TMEM131L: variants seen among roughly 807,000 people sequenced by gnomAD.
The protein encoded by TMEM131L is transmembrane protein 131-like.
TMEM131L carries 54 observed loss-of-function variants against 192.2 expected under a neutral mutation model. The ratio of observed to expected loss-of-function variants is 0.28; its 90% CI spans 0.23 to 0.35. The LOEUF is 0.35. Ranked by LOEUF, TMEM131L falls within the 10% of genes least tolerant of loss-of-function variation. The probability of loss-of-function intolerance (pLI) is 1.00; values close to 1 mark genes in which losing one functional copy is unlikely to be tolerated. For synonymous variants in TMEM131L, 701 were observed against 704.9 expected, an observed-to-expected ratio of 0.99 and a Z score of 0.09; for missense variants, 1,888 against 1,972.9, an observed-to-expected ratio of 0.96 and a Z score of 0.82.
chr4:153,603,772 T>C, intron 24 of TMEM131L, 30 bp from the exon 25 acceptor site: 1 of 1,548,992 alleles, frequency 6.5e-7, no homozygotes, highest in Non-Finnish European at 8.7e-7. Context: ...GATTTGCCTC[T>C]ATGCTAAATG....
At chr4:153,551,565 A>G (rs1395974638) in intron 4 of TMEM131L, among the ~76,000 whole-genome samples, 1 of 152,056 alleles carries the variant, frequency 6.6e-6, no homozygotes, top group Non-Finnish European at 1.5e-5. Flanking sequence ...CATGTTGGCC[A>G]GGCTAGTCTC....
chr4:153,531,911 C>T (rs909666525), intron 3 of TMEM131L, among the ~76,000 whole-genome samples: 1 of 152,212 alleles, frequency 6.6e-6, no homozygotes, highest in African/African-American at 2.4e-5. Context: ...ACCTCCCCAC[C>T]AAACCCCAGT....
intron 25 of TMEM131L, among the ~76,000 whole-genome samples, chr4:153,607,005 A>C (rs1427645227): frequency 6.6e-6 from 1 of 152,230 alleles, no homozygotes; most frequent in African/African-American, 2.4e-5. Flanking sequence ...AATATCCGAG[A>C]TGTTAAAAAG....
At position 153,636,583 on chromosome 4, in the gene TMEM131L, T is replaced by C. The variant is rs759029927; in HGVS notation, c.*7T>C. 1.9e-6 allele frequency: 3 copies of C among 1,607,498 alleles called. No individual in the cohort carries two copies. The highest frequency in any genetic ancestry group is 2.6e-6 in the Non-Finnish European group (3 of 1,174,808). On this transcript the variant is annotated 3_prime_UTR_variant, in exon 35 of 35. Transcript: ENST00000409959. ...TTACTGTGGGAATGTGTGAAAATAA[T>C]TGGATTTTTAAACAATGTGAATAAA...
intron 3 of TMEM131L, among the ~76,000 whole-genome samples, chr4:153,487,990 T>G (rs1289852389): frequency 4.3e-4 from 3 of 6,970 alleles, no homozygotes; most frequent in East Asian, 0.012. Context: ...TGTGTGTGTT[T>G]GTGTATGTAT....
At chr4:153,596,877 G>A (rs7696772) in intron 20 of TMEM131L, among the ~76,000 whole-genome samples, 41,549 of 152,044 alleles carry the variant, frequency 0.27, 6,044 homozygotes, top group Non-Finnish European at 0.34. Flanking sequence ...TTCCTTTGAA[G>A]TGAGTTACTG....
chr4:153,607,830 A>C (rs1463563341), intron 25 of TMEM131L, among the ~76,000 whole-genome samples: 1 of 152,232 alleles, frequency 6.6e-6, no homozygotes, highest in Non-Finnish European at 1.5e-5. Flanking sequence ...TTTGTAAGTA[A>C]TAGAAAATGT....
chr4:153,589,050 C>A, intron 16 of TMEM131L, 43 bp downstream of exon 16: 1 of 1,058,520 alleles, frequency 9.4e-7, no homozygotes, highest in Non-Finnish European at 1.5e-6. Flanking sequence ...GGTGGGGAGA[C>A]ACTGTTACAG....
chr4:153,506,009 T>G (rs190450957), intron 3 of TMEM131L, among the ~76,000 whole-genome samples: 86 of 152,276 alleles, frequency 5.6e-4, no homozygotes, highest in African/African-American at 1.9e-3. Context: ...CTTTTTCATG[T>G]AGTAAAAAAG....
At chr4:153,551,567 G>T (rs10028290) in intron 4 of TMEM131L, among the ~76,000 whole-genome samples, 65,849 of 151,854 alleles carry the variant, frequency 0.43, 18,057 homozygotes, top group African/African-American at 0.78. Flanking sequence ...TGTTGGCCAG[G>T]CTAGTCTCAA....
chr4:153,633,948 T>C (rs942150075), intron 32 of TMEM131L, among the ~76,000 whole-genome samples: 5 of 152,240 alleles, frequency 3.3e-5, no homozygotes, highest in African/African-American at 1.2e-4. Flanking sequence ...CTAGTTAGAC[T>C]TAACAAGCAT....
At chr4:153,512,599 T>A (rs1384182549) in intron 3 of TMEM131L, among the ~76,000 whole-genome samples, 1 of 152,178 alleles carries the variant, frequency 6.6e-6, no homozygotes, top group Non-Finnish European at 1.5e-5. Context: ...ATTCCTGACA[T>A]CTAGATGTCT....
At chr4:153,544,516 T>TCA (rs758851330) in intron 3 of TMEM131L, among the ~76,000 whole-genome samples, 3 of 152,114 alleles carry the variant, frequency 2.0e-5, no homozygotes, top group Non-Finnish European at 4.4e-5. Flanking sequence ...CCCTTACCCC[T>TCA]CACACTGGCT....
At chr4:153,518,016 T>C (rs1294721118) in intron 3 of TMEM131L, among the ~76,000 whole-genome samples, 2 of 151,892 alleles carry the variant, frequency 1.3e-5, no homozygotes. Flanking sequence ...GATGAGTGTG[T>C]GTTTTATAAT....
At chr4:153,508,744 A>G (rs1036522568) in intron 3 of TMEM131L, among the ~76,000 whole-genome samples, 1 of 150,938 alleles carries the variant, frequency 6.6e-6, no homozygotes, top group Admixed American at 6.6e-5. Flanking sequence ...TCCTGGGATC[A>G]AGCGATCCTC....
intron 7 of TMEM131L, among the ~76,000 whole-genome samples, chr4:153,580,459 A>G (rs1003588601): frequency 6.6e-6 from 1 of 152,224 alleles, no homozygotes; most frequent in East Asian, 1.9e-4. Context: ...TAAAATAACA[A>G]TAGATTCCTG....
chr4:153,576,498 A>G (rs953925725), intron 7 of TMEM131L, among the ~76,000 whole-genome samples: 3 of 152,218 alleles, frequency 2.0e-5, no homozygotes, highest in African/African-American at 7.2e-5. Context: ...AAGAATGACA[A>G]AATATTAGGC....
chr4:153,580,029 T>G (rs557697160), intron 7 of TMEM131L, among the ~76,000 whole-genome samples: 45 of 152,314 alleles, frequency 3.0e-4, no homozygotes, highest in African/African-American at 1.1e-3. Context: ...TACCTTTTTC[T>G]AATCACTATG....
At position 153,584,841 on chromosome 4, in the gene TMEM131L, C is replaced by T. The variant is rs1730593604; in HGVS notation, c.1067C>T (p.Thr356Ile). The T allele has an allele frequency of 8.1e-6, 13 of 1,612,620 alleles. No homozygotes were observed. The highest frequency in any genetic ancestry group is 1.0e-5 in the Non-Finnish European group (12 of 1,178,644). The part of the protein sequence containing the change: ...KIASFTCKAA[T>I]SCDSGIIEDV... ...ATTTCTTTATACCACAAAGCAGCTACATCATGTGACAGTGGAATTATAGAA... is the reference window on the plus strand; with the variant it reads ...ATTTCTTTATACCACAAAGCAGCTATATCATGTGACAGTGGAATTATAGAA... Residue 356 changes from threonine to isoleucine, a missense_variant, in exon 12 of 35, where the codon ACA becomes ATA. Physicochemically the swap from Thr to Ile is moderately conservative, Grantham distance 89. Coordinates refer to ENST00000409959, the MANE Select transcript of TMEM131L (RefSeq NM_001131007.2).
Sources: gnomAD v4.1 joint callset for allele counts (sites outside exome capture counted in the v4.1 genomes callset) on GRCh38, gnomAD v4.1.1 for gene constraint, MANE v1.5 for transcripts, NCBI Gene and HGNC (gene_info 2026-07-23, HGNC 2026-07-21) for gene names.